The following WDR7 variants were observed in gnomAD, a reference collection of about 807,000 sequenced individuals.
WDR7 encodes the protein WD repeat domain 7, also known as WD repeat-containing protein 7.
A neutral mutation model predicts 169.4 loss-of-function variants in WDR7; 46 were observed. The ratio of observed to expected loss-of-function variants is 0.27; its 90% CI spans 0.21 to 0.35. The LOEUF (loss-of-function observed/expected upper bound fraction) is 0.35. WDR7 is among the 10% of genes least tolerant of loss of function. The pLI is 1.00. For missense variants in WDR7, 1,534 were observed against 1,859.3 expected (o/e 0.83, Z 3.22); for synonymous variants, 612 against 666.8 (o/e 0.92, Z 1.27).
intron 12 of WDR7, among the ~76,000 whole-genome samples, chr18:56,705,989 T>C (rs2510189): frequency 0.95 from 143,687 of 152,040 alleles, 68,345 homozygotes; most frequent in East Asian, 1. Context: ...CAGAGGGAGA[T>C]GCCGTCTCAA....
chr18:56,986,268 G>A (rs2047718705), intron 26 of WDR7, among the ~76,000 whole-genome samples: 1 of 151,540 alleles, frequency 6.6e-6, no homozygotes, highest in Non-Finnish European at 1.5e-5. Flanking sequence ...TCAATGATTA[G>A]TAGCTCACCA....
chr18:56,698,223 A>G (rs551024760), intron 12 of WDR7, among the ~76,000 whole-genome samples: 5 of 152,174 alleles, frequency 3.3e-5, no homozygotes, highest in African/African-American at 1.2e-4. Context: ...AATGGCTTAC[A>G]CAAGGTCATG....
intron 21 of WDR7, among the ~76,000 whole-genome samples, chr18:56,916,635 T>G (rs2046630071): frequency 6.6e-6 from 1 of 152,216 alleles, no homozygotes; most frequent in African/African-American, 2.4e-5. Context: ...ATGGAAACTA[T>G]TTTTTAAAAA....
At chr18:56,724,486 A>G (rs1000821119) in intron 13 of WDR7, among the ~76,000 whole-genome samples, 1 of 152,006 alleles carries the variant, frequency 6.6e-6, no homozygotes, top group Non-Finnish European at 1.5e-5. Flanking sequence ...TGCAGGGGTT[A>G]CAGGCATGAG....
At position 56,682,783 on chromosome 18, in the gene WDR7, C is replaced by T. The variant is rs775842115; in HGVS notation, c.450C>T (p.Tyr150=). The change falls in exon 5 of 28, where the codon TAC becomes TAT. Residue 150 remains tyrosine, a synonymous_variant. Coordinates refer to ENST00000254442, the MANE Select transcript of WDR7 (RefSeq NM_015285.3). The part of the protein sequence containing the change: ...VVDATSLEVL[Y]SLVSKISPDW... Reference sequence around the variant, plus strand: ...ATGCTACCAGCCTTGAAGTATTATACTCCTTAGTATCAAAGATATCACCAG... The same window carrying T: ...ATGCTACCAGCCTTGAAGTATTATATTCCTTAGTATCAAAGATATCACCAG... 1 of 1,613,824 alleles carries T rather than the reference C, an allele frequency of 6.2e-7. No individual in the cohort carries two copies. Among genetic ancestry groups the T allele is most frequent in the Non-Finnish European group, 8.5e-7 (1 of 1,179,788 alleles).
chr18:56,810,441 A>G (rs2044848995), intron 19 of WDR7, among the ~76,000 whole-genome samples: 1 of 152,146 alleles, frequency 6.6e-6, no homozygotes, highest in Admixed American at 6.6e-5. Flanking sequence ...TGAAATATAT[A>G]TATAATTTTG....
At chr18:56,941,902 A>T (rs944785591) in intron 25 of WDR7, among the ~76,000 whole-genome samples, 1 of 152,094 alleles carries the variant, frequency 6.6e-6, no homozygotes, top group Admixed American at 6.5e-5. Flanking sequence ...ATGGCATCCT[A>T]TCCAGGGCTG....
chr18:56,819,711 A>G (rs1016916351), intron 20 of WDR7, among the ~76,000 whole-genome samples: 1 of 152,168 alleles, frequency 6.6e-6, no homozygotes, highest in Non-Finnish European at 1.5e-5. Flanking sequence ...GTACTTTTCA[A>G]TGACGTTGCT....
In WDR7 at chr18:56,681,436, A is replaced by G. The variant is rs562933170; in HGVS notation, c.345+45A>G. The G allele has an allele frequency of 8.4e-6, 10 of 1,194,898 alleles. No homozygotes were observed. In the East Asian group the frequency reaches 2.5e-4, roughly 30 times the overall value. The allele number at this position is 1,194,898 out of a possible 1,614,324, so 74.0% of individuals were successfully genotyped here. On this transcript the variant is annotated intron_variant, in intron 4 of 27. Transcript: ENST00000254442. Reference sequence around the variant, plus strand: ...ACTCTAAGTACAAACTATTATAAGTATATAATTTAAAATATTTTTAAAACA... The same window carrying G: ...ACTCTAAGTACAAACTATTATAAGTGTATAATTTAAAATATTTTTAAAACA...
intron 16 of WDR7, among the ~76,000 whole-genome samples, chr18:56,773,000 G>C (rs28714289): frequency 0.014 from 2,096 of 152,226 alleles, 46 homozygotes; most frequent in African/African-American, 0.048. Context: ...TTCAAAATGA[G>C]CTTTTTAATA....
intron 16 of WDR7, among the ~76,000 whole-genome samples, chr18:56,765,806 C>G (rs113628901): frequency 0.017 from 2,585 of 151,724 alleles, 27 homozygotes; most frequent in East Asian, 0.032. Flanking sequence ...ATGTATGTAT[C>G]TATCTATCTA....
At chr18:56,727,386 C>T (rs2026482973) in intron 13 of WDR7, among the ~76,000 whole-genome samples, 1 of 151,912 alleles carries the variant, frequency 6.6e-6, no homozygotes, top group African/African-American at 2.4e-5. Flanking sequence ...AGTCCATTCT[C>T]ATGCTACTGT....
intron 16 of WDR7, among the ~76,000 whole-genome samples, chr18:56,771,236 ATC>A (rs2044150312): frequency 6.6e-6 from 1 of 152,202 alleles, no homozygotes; most frequent in South Asian, 2.1e-4. Context: ...TTCCAAATAC[ATC>A]TCTGTTTCAT....
intron 7 of WDR7, among the ~76,000 whole-genome samples, chr18:56,690,999 T>G (rs2144616762): frequency 6.6e-6 from 1 of 152,336 alleles, no homozygotes; most frequent in East Asian, 1.9e-4. Context: ...GCCTATTCCC[T>G]GTCCACAGGG....
At chr18:56,951,756 G>A (rs2047187202) in intron 25 of WDR7, among the ~76,000 whole-genome samples, 1 of 151,886 alleles carries the variant, frequency 6.6e-6, no homozygotes, top group Non-Finnish European at 1.5e-5. Context: ...TATACACTAT[G>A]TATATAGTCT....
intron 19 of WDR7, among the ~76,000 whole-genome samples, chr18:56,807,002 A>T (rs1286833806): frequency 6.6e-6 from 1 of 152,128 alleles, no homozygotes; most frequent in East Asian, 1.9e-4. Context: ...TAAAGCCATC[A>T]ACTTCAGCAG....
At chr18:56,675,960 C>T (rs1338639082) in intron 2 of WDR7, among the ~76,000 whole-genome samples, 1 of 152,120 alleles carries the variant, frequency 6.6e-6, no homozygotes, top group African/African-American at 2.4e-5. Context: ...GCTGGGTCTA[C>T]AGGTGCACAC....
At position 56,783,380 on chromosome 18, in the gene WDR7, C is replaced by T. The variant is rs539771875; in HGVS notation, c.3190+1724C>T. ...TTGTGGGCATTAACTTTATAATATTCCAGAAAATATAGTTAGATGATCATC... is the reference window on the plus strand; with the variant it reads ...TTGTGGGCATTAACTTTATAATATTTCAGAAAATATAGTTAGATGATCATC... On this transcript the variant is annotated intron_variant, in intron 19 of 27. Transcript: ENST00000254442. Among the ~76,000 whole-genome samples, 5 of 152,048 alleles carry T rather than the reference C, an allele frequency of 3.3e-5. No individual in the cohort carries two copies. The East Asian group carries it at 7.7e-4, about 24-fold the overall frequency.
At chr18:56,733,945 T>A (rs1016648880) in intron 14 of WDR7, among the ~76,000 whole-genome samples, 1 of 152,162 alleles carries the variant, frequency 6.6e-6, no homozygotes, top group Non-Finnish European at 1.5e-5. Flanking sequence ...TAACTATGTG[T>A]TGAATTGGAT....
Sources: gnomAD v4.1 joint callset for allele counts (sites outside exome capture counted in the v4.1 genomes callset) on GRCh38, gnomAD v4.1.1 for gene constraint, MANE v1.5 for transcripts, NCBI Gene and HGNC (gene_info 2026-07-23, HGNC 2026-07-21) for gene names.